AHSG: variants seen among roughly 807,000 people sequenced by gnomAD.
The protein encoded by AHSG is alpha-2-HS-glycoprotein.
A neutral mutation model predicts 30.1 loss-of-function variants in AHSG; 23 were observed. The ratio of observed to expected loss-of-function variants is 0.76; its 90% CI spans 0.55 to 1.08. The LOEUF (loss-of-function observed/expected upper bound fraction) is 1.08. AHSG is among the 50% of genes least tolerant of loss of function. The probability of loss-of-function intolerance (pLI) is 0.00; values close to 1 mark genes in which losing one functional copy is unlikely to be tolerated. For synonymous variants in AHSG, 164 were observed against 186.3 expected (o/e 0.88, Z 0.98); for missense variants, 469 against 459.5 (o/e 1.02, Z -0.19).
At chr3:186,614,697 C>G (rs1468991285) in intron 1 of AHSG, among the ~76,000 whole-genome samples, 1 of 152,210 alleles carries the variant, frequency 6.6e-6, no homozygotes. Flanking sequence ...TTGAGAAACC[C>G]AGGTGTACCC....
rs781389033 is a variant in AHSG at position 186,615,792 on chromosome 3, G to A, written c.321G>A (p.Glu107=). The A allele has an allele frequency of 6.2e-7, 1 of 1,613,770 alleles. No homozygotes were observed. The highest frequency in any genetic ancestry group is 1.1e-5 in the South Asian group (1 of 91,074). Residue 107 remains glutamate, a synonymous_variant, in exon 2 of 7, where the codon GAG becomes GAA. Transcript: ENST00000411641. Reference sequence around the variant, plus strand: ...GATGCAGCGTGAGGCAGCTGAAGGAGCATGTGAGTACCCTTCTTAGGATGA... The same window carrying A: ...GATGCAGCGTGAGGCAGCTGAAGGAACATGTGAGTACCCTTCTTAGGATGA... The part of the protein sequence containing the change: ...VARCSVRQLK[E]HAVEGDCDFQ...
At chr3:186,616,324 CA>C in intron 2 of AHSG, 118 bp from the exon 3 acceptor site, 1 of 648,754 alleles carries the variant, frequency 1.5e-6, no homozygotes, top group Non-Finnish European at 2.7e-6. Flanking sequence ...TGCCATGTTT[CA>C]GTATTACCCA....
At chr3:186,615,889 T>C in intron 2 of AHSG, 94 bp downstream of exon 2, 1 of 1,175,208 alleles carries the variant, frequency 8.5e-7, no homozygotes, top group Admixed American at 2.0e-5. Flanking sequence ...CTAGCCAGGG[T>C]GCAGTTTCTA....
At chr3:186,615,637 A>C (rs1475197701) in intron 1 of AHSG, 48 bp from the exon 2 acceptor site, 1 of 1,515,460 alleles carries the variant, frequency 6.6e-7, no homozygotes, top group African/African-American at 1.4e-5. Flanking sequence ...ACCGCACCAC[A>C]GGATCAGGGG....
Position 186,620,871 on chromosome 3 carries a change from G to A in AHSG, c.1045G>A (p.Ala349Thr), listed in dbSNP as rs765504803. The change falls in exon 7 of 7, where the codon GCT (alanine) becomes ACT (threonine). Residue 349 changes from alanine (A) to threonine (T), a missense_variant. Ala to Thr is a moderately conservative substitution (Grantham distance 58). Transcript: ENST00000411641. ...TRTVVQPSVG[A>T]AAGPVVPPCP... Reference sequence around the variant, plus strand: ...CACAGTGGTGCAGCCTAGTGTTGGTGCTGCTGCTGGGCCAGTGGTTCCTCC... The same window carrying A: ...CACAGTGGTGCAGCCTAGTGTTGGTACTGCTGCTGGGCCAGTGGTTCCTCC... The A allele has an allele frequency of 2.0e-5, 32 of 1,614,020 alleles. No homozygotes were observed. Among genetic ancestry groups the A allele is most frequent in the Non-Finnish European group, 2.5e-5 (30 of 1,180,030 alleles).
At chr3:186,616,397 T>C (rs1032316015) in intron 2 of AHSG, 46 bp from the exon 3 acceptor site, 1 of 1,521,240 alleles carries the variant, frequency 6.6e-7, no homozygotes, top group Middle Eastern at 1.7e-4. Flanking sequence ...CTGCCCGGGG[T>C]GCGAAGGGGA....
rs1387398797 is a variant in AHSG, at chr3:186,620,724, T to C, written c.898T>C (p.Leu300=). ...PAGSPPDSHV[L]LAAPPGHQLH... ...TGGCTCACCCCCAGACTCCCATGTG[T>C]TACTGGCAGCTCCTCCAGGACACCA... is the stretch of plus-strand genomic sequence containing the variant. Residue 300 remains leucine (L), a synonymous_variant, in exon 7 of 7, where the codon TTA becomes CTA. Transcript: ENST00000411641. 1.9e-6 allele frequency: 3 copies of C among 1,614,056 alleles called. No individual in the cohort carries two copies. Among genetic ancestry groups the C allele is most frequent in the Non-Finnish European group, 2.5e-6 (3 of 1,180,030 alleles).
rs368520628 is a variant in AHSG at position 186,619,872 on chromosome 3, A to G, written c.691A>G (p.Lys231Glu). 3.7e-6 allele frequency: 6 copies of G among 1,612,106 alleles called. No homozygotes were observed. The African/African-American group carries it at 4.0e-5, about 11-fold the overall frequency. Residue 231 changes from lysine (K) to glutamate (E), a missense_variant, in exon 6 of 7, where the codon AAG (lysine) becomes GAG (glutamate). By Grantham distance (56) the Lys-to-Glu change is moderately conservative. Transcript: ENST00000411641. ...CTGTGGGCAGCAATATGGCTTTTGT[A>G]AGGCAACACTCAGTGAGAAGCTTGG... is the stretch of plus-strand genomic sequence containing the variant. ...LLAEKQYGFC[K>E]ATLSEKLGGA... is the part of the protein sequence containing the mutation.
rs541421656 is a variant in AHSG at position 186,620,600 on chromosome 3, G to T, written c.774G>T (p.Gln258His). 5.6e-6 allele frequency: 9 copies of T among 1,602,498 alleles called. No individual in the cohort carries two copies. In the East Asian group the frequency reaches 6.7e-5, roughly 12 times the overall value. Residue 258 changes from glutamine to histidine, a missense_variant, in exon 7 of 7, where the codon CAG (glutamine) becomes CAT (histidine). Transcript: ENST00000411641. ...MVFQTQPVSS[Q>H]PQPEGANEAV... ...CCTTTTTCCAGCCCGTGAGCTCACA[G>T]CCCCAACCAGAAGGTGCCAATGAAG...
rs773427092 is a variant in AHSG, at chr3:186,615,734, C to T, written c.263C>T (p.Thr88Ile). 4 of 1,614,252 alleles carry T rather than the reference C, an allele frequency of 2.5e-6. No individual in the cohort carries two copies. Among genetic ancestry groups the T allele is most frequent in the East Asian group, 2.2e-5 (1 of 44,884 alleles). The change falls in exon 2 of 7, where the codon ACC becomes ATC. Residue 88 changes from threonine (T) to isoleucine (I), a missense_variant. Physicochemically the swap from Thr to Ile is moderately conservative, Grantham distance 89 (BLOSUM62 -1). Transcript: ENST00000411641. ...FEIEIDTLET[T>I]CHVLDPTPVA... ...ATTGAAATAGACACCCTGGAAACCA[C>T]CTGCCATGTGCTGGACCCCACCCCT...
At chr3:186,617,609 A>T in intron 4 of AHSG, 1 of 595,040 alleles carries the variant, frequency 1.7e-6, no homozygotes, top group South Asian at 1.9e-5. Flanking sequence ...CGGCAGGTAC[A>T]TCCCCACTCC....
Position 186,613,213 on chromosome 3 carries a change from G to A in AHSG, c.72G>A (p.Gly24=), listed in dbSNP as rs1716195352. The change falls in exon 1 of 7, where the codon GGG becomes GGA. Residue 24 remains glycine (G), a synonymous_variant. Coordinates refer to ENST00000411641, the MANE Select transcript of AHSG (RefSeq NM_001622.4). ...GCCACTCAGCCCCACATGGCCCAGG[G>A]CTGATTTATAGACAACCGAACTGCG... ...WGCHSAPHGP[G]LIYRQPNCDD... 6 of 1,614,154 alleles carry A rather than the reference G, an allele frequency of 3.7e-6. No homozygotes were observed. The highest frequency in any genetic ancestry group is 5.1e-6 in the Non-Finnish European group (6 of 1,180,020).
intron 1 of AHSG, 119 bp from the exon 2 acceptor site, chr3:186,615,566 C>A: frequency 2.7e-6 from 2 of 735,344 alleles, no homozygotes; most frequent in Non-Finnish European, 4.8e-6. Context: ...GTAAGAATGA[C>A]ATTTCCCTCA....
rs952116460 is a variant in AHSG, at chr3:186,615,543, T to C, written c.214-142T>C. On this transcript the variant is annotated intron_variant, in intron 1 of 6. Transcript: ENST00000411641. ...CAGGCCAGTTCAGAGCTAGACGGAGTTGCAGACTGACAGTAAGAATGACAT... is the reference window on the plus strand; with the variant it reads ...CAGGCCAGTTCAGAGCTAGACGGAGCTGCAGACTGACAGTAAGAATGACAT... 11 of 657,058 alleles carry C rather than the reference T, an allele frequency of 1.7e-5. No individual in the cohort carries two copies. The East Asian group carries it at 2.7e-4, about 16-fold the overall frequency. 40.7% of individuals were successfully genotyped at this position (657,058 alleles called of 1,614,324 possible). A position where few individuals can be genotyped will look rare whatever the true frequency, so the allele number is the denominator to read the frequency against.
chr3:186,613,394 C>T (rs776954754), intron 1 of AHSG, 40 bp downstream of exon 1: 1 of 1,531,720 alleles, frequency 6.5e-7, no homozygotes, highest in Non-Finnish European at 8.9e-7. Flanking sequence ...ATAATGTGTA[C>T]ATGGAGCTCA....
chr3:186,621,105 G>A lies in AHSG; in HGVS notation c.*175G>A. ...CGTCATTCCTCACAGGACAGAAGCA[G>A]AGTGGGTGGTGGTTATGTTTGACAG... On this transcript the variant is annotated 3_prime_UTR_variant, in exon 7 of 7. Transcript: ENST00000411641. 1 of 641,094 alleles carries A rather than the reference G, an allele frequency of 1.6e-6. No individual in the cohort carries two copies. Among genetic ancestry groups the A allele is most frequent in the Non-Finnish European group, 2.6e-6 (1 of 377,808 alleles). The allele number at this position is 641,094 out of a possible 1,614,324, so 39.7% of individuals were successfully genotyped here.
chr3:186,620,135 T>C (rs1716436016), intron 6 of AHSG, among the ~76,000 whole-genome samples, 195 bp downstream of exon 6: 1 of 152,228 alleles, frequency 6.6e-6, no homozygotes, highest in African/African-American at 2.4e-5. Context: ...TCCCACGAAC[T>C]AGTGACTACA....
chr3:186,613,390 T>A (rs1188324487), intron 1 of AHSG, 36 bp downstream of exon 1: 2 of 1,552,874 alleles, frequency 1.3e-6, no homozygotes, highest in African/African-American at 2.7e-5. Context: ...TGAAATAATG[T>A]GTACATGGAG....
At chr3:186,618,423 G>A (rs926771779) in intron 4 of AHSG, 113 bp from the exon 5 acceptor site, 23 of 1,506,184 alleles carry the variant, frequency 1.5e-5, no homozygotes, top group Admixed American at 5.7e-5. Flanking sequence ...CTGGGCCGAC[G>A]CATGGTCTGC....
Sources: gnomAD v4.1 joint callset for allele counts (sites outside exome capture counted in the v4.1 genomes callset) on GRCh38, gnomAD v4.1.1 for gene constraint, MANE v1.5 for transcripts, NCBI Gene and HGNC (gene_info 2026-07-23, HGNC 2026-07-21) for gene names.